FCHSD2: variants seen among roughly 807,000 people sequenced by gnomAD.
FCHSD2 encodes FCH and double SH3 domains 2.
FCHSD2 carries 38 observed loss-of-function variants against 108.1 expected under a neutral mutation model. The ratio of observed to expected loss-of-function variants is 0.35; its 90% CI spans 0.27 to 0.46. The LOEUF (loss-of-function observed/expected upper bound fraction) is 0.46, where lower values mean the gene tolerates loss of function less well. FCHSD2 is among the 20% of genes least tolerant of loss of function. FCHSD2 has a pLI of 1.00. For missense variants in FCHSD2, 751 were observed against 897.8 expected, an observed-to-expected ratio of 0.84 and a Z score of 2.09; for synonymous variants, 279 against 314.7, an observed-to-expected ratio of 0.89 and a Z score of 1.20.
At chr11:72,945,483 G>A (rs550816652) in intron 8 of FCHSD2, among the ~76,000 whole-genome samples, 1 of 152,284 alleles carries the variant, frequency 6.6e-6, no homozygotes, top group South Asian at 2.1e-4. Context: ...CAGGACATAG[G>A]CATGGGCAAG....
intron 3 of FCHSD2, among the ~76,000 whole-genome samples, chr11:73,019,741 C>T (rs1160211526): frequency 1.3e-5 from 2 of 152,132 alleles, no homozygotes; most frequent in African/African-American, 2.4e-5. Flanking sequence ...AGTAAAGGTC[C>T]TAAATAATAT....
At chr11:73,013,591 T>C (rs1409472097) in intron 4 of FCHSD2, among the ~76,000 whole-genome samples, 1 of 152,230 alleles carries the variant, frequency 6.6e-6, no homozygotes. Context: ...GTAAGACATA[T>C]AACCTGAGAC....
intron 3 of FCHSD2, among the ~76,000 whole-genome samples, chr11:73,065,576 T>C (rs912685152): frequency 5.8e-4 from 89 of 152,216 alleles, no homozygotes; most frequent in Non-Finnish European, 2.9e-5. Context: ...TGTCTCTGTT[T>C]GCAGATGACA....
chr11:73,036,939 C>T (rs145569785), intron 3 of FCHSD2, among the ~76,000 whole-genome samples: 11 of 152,276 alleles, frequency 7.2e-5, no homozygotes, highest in African/African-American at 1.4e-4. Context: ...CATCTGTTAA[C>T]GCGGATCTGT....
chr11:72,892,962 T>C (rs1006335017), intron 10 of FCHSD2, among the ~76,000 whole-genome samples: 57 of 151,896 alleles, frequency 3.8e-4, no homozygotes, highest in African/African-American at 1.3e-3. Context: ...AAAGAAACCG[T>C]AATGACTGCT....
At chr11:72,849,921 CCTTA>C (rs1365006963) in intron 13 of FCHSD2, 32 bp from the exon 14 acceptor site, 2 of 1,583,006 alleles carry the variant, frequency 1.3e-6, no homozygotes, top group African/African-American at 1.4e-5. Context: ...TGGCTAGTTT[CCTTA>C]CTTCAAGAAA....
chr11:73,073,675 T>C (rs1354021611), intron 3 of FCHSD2, among the ~76,000 whole-genome samples: 1 of 152,206 alleles, frequency 6.6e-6, no homozygotes, highest in East Asian at 1.9e-4. Flanking sequence ...CAATATACAT[T>C]CCTCGTAATA....
chr11:73,104,892 C>T (rs1397908836), intron 2 of FCHSD2, among the ~76,000 whole-genome samples: 3 of 152,050 alleles, frequency 2.0e-5, no homozygotes, highest in East Asian at 1.9e-4. Context: ...AGCTATAGTA[C>T]CAAATGGTGA....
chr11:72,898,946 T>C (rs1855474390), intron 10 of FCHSD2, among the ~76,000 whole-genome samples: 1 of 152,012 alleles, frequency 6.6e-6, no homozygotes, highest in Non-Finnish European at 1.5e-5. Context: ...GGTTTCGCCG[T>C]GTTGCCCAGG....
At chr11:72,855,558 C>T (rs951823914) in intron 13 of FCHSD2, among the ~76,000 whole-genome samples, 2 of 152,098 alleles carry the variant, frequency 1.3e-5, no homozygotes, top group African/African-American at 4.8e-5. Flanking sequence ...ACTAAACTTA[C>T]ACTTAAAGTG....
intron 8 of FCHSD2, among the ~76,000 whole-genome samples, chr11:72,973,475 C>T (rs1857044962): frequency 6.6e-6 from 1 of 152,042 alleles, no homozygotes; most frequent in South Asian, 2.1e-4. Flanking sequence ...GTTAAAAATT[C>T]ATACAAATGA....
intron 8 of FCHSD2, among the ~76,000 whole-genome samples, chr11:72,966,869 A>T (rs1357789546): frequency 6.6e-6 from 1 of 152,156 alleles, no homozygotes; most frequent in Non-Finnish European, 1.5e-5. Flanking sequence ...TTCCCTAAAG[A>T]AGTAGATTTG....
At chr11:73,039,562 G>A (rs1858583816) in intron 3 of FCHSD2, among the ~76,000 whole-genome samples, 1 of 151,820 alleles carries the variant, frequency 6.6e-6, no homozygotes, top group Non-Finnish European at 1.5e-5. Flanking sequence ...TATGTCACAT[G>A]TAAGTTTGTC....
chr11:73,061,473 TGGAAA>T, intron 3 of FCHSD2, among the ~76,000 whole-genome samples: 1 of 152,272 alleles, frequency 6.6e-6, no homozygotes, highest in African/African-American at 2.4e-5. Context: ...TCACTTCCCC[TGGAAA>T]GGGGTGCTGA....
chr11:73,052,822 G>A (rs1858932455), intron 3 of FCHSD2, among the ~76,000 whole-genome samples: 2 of 152,082 alleles, frequency 1.3e-5, no homozygotes, highest in African/African-American at 2.4e-5. Context: ...AGTTTCTACA[G>A]ATATTTAGGA....
chr11:72,860,723 C>T (rs1861550595), intron 13 of FCHSD2, among the ~76,000 whole-genome samples: 2 of 151,652 alleles, frequency 1.3e-5, no homozygotes, highest in African/African-American at 4.8e-5. Context: ...TGCTGGGAGG[C>T]TGAGGCATAA....
At chr11:72,973,666 T>C (rs1037648303) in intron 8 of FCHSD2, among the ~76,000 whole-genome samples, 8 of 152,222 alleles carry the variant, frequency 5.3e-5, no homozygotes, top group African/African-American at 1.9e-4. Context: ...TGTTTCATTT[T>C]TGAAGCTTGG....
At chr11:73,049,446 T>A (rs1169416663) in intron 3 of FCHSD2, among the ~76,000 whole-genome samples, 1 of 149,110 alleles carries the variant, frequency 6.7e-6, no homozygotes, top group African/African-American at 2.5e-5. Flanking sequence ...CAAATTTTTA[T>A]GATTGGAAAG....
At chr11:72,981,293 T>C (rs1857211837) in intron 8 of FCHSD2, among the ~76,000 whole-genome samples, 1 of 152,152 alleles carries the variant, frequency 6.6e-6, no homozygotes, top group African/African-American at 2.4e-5. Context: ...GCTGATCAAA[T>C]ATATGCATAA....
Sources: gnomAD v4.1 joint callset for allele counts (sites outside exome capture counted in the v4.1 genomes callset) on GRCh38, gnomAD v4.1.1 for gene constraint, MANE v1.5 for transcripts, NCBI Gene and HGNC (gene_info 2026-07-23, HGNC 2026-07-21) for gene names.